The following SCFD1 variants were observed in gnomAD, a reference collection of about 807,000 sequenced individuals.
The protein encoded by SCFD1 is sec1 family domain containing 1.
SCFD1 carries 37 observed loss-of-function variants against 103.2 expected under a neutral mutation model. The observed-to-expected ratio is 0.36, with a 90% CI of 0.28 to 0.47. The LOEUF is 0.47. Ranked by LOEUF, SCFD1 falls within the 20% of genes least tolerant of loss-of-function variation. SCFD1 has a pLI of 1.00. For synonymous variants in SCFD1, 264 were observed against 245.0 expected (o/e 1.08, Z -0.73); for missense variants, 639 against 761.2 (o/e 0.84, Z 1.89).
intron 10 of SCFD1, among the ~76,000 whole-genome samples, chr14:30,667,362 A>G (rs1209324720): frequency 1.3e-5 from 2 of 152,232 alleles, no homozygotes; most frequent in Non-Finnish European, 2.9e-5. Context: ...ACAGCCCTTC[A>G]TGCTAAAACC....
intron 10 of SCFD1, among the ~76,000 whole-genome samples, chr14:30,668,854 C>T (rs1212859506): frequency 6.6e-6 from 1 of 152,076 alleles, no homozygotes; most frequent in Non-Finnish European, 1.5e-5. Flanking sequence ...CAATGAGATA[C>T]CATCTCACAC....
At chr14:30,683,134 G>A (rs1889625551) in intron 14 of SCFD1, 2 of 1,159,400 alleles carry the variant, frequency 1.7e-6, no homozygotes, top group Admixed American at 1.8e-5. Context: ...TTGGCAGCAT[G>A]TGTGTTCAAG....
chr14:30,691,057 G>A (rs372020434), intron 14 of SCFD1, among the ~76,000 whole-genome samples: 11 of 152,164 alleles, frequency 7.2e-5, no homozygotes, highest in South Asian at 2.1e-4. Flanking sequence ...TTGAGAAAAG[G>A]CCTATAGAAG....
At chr14:30,695,620 G>A (rs2139316096) in intron 15 of SCFD1, among the ~76,000 whole-genome samples, 1 of 152,294 alleles carries the variant, frequency 6.6e-6, no homozygotes, top group South Asian at 2.1e-4. Context: ...TGTAATCCCA[G>A]TACTTTGGGA....
intron 3 of SCFD1, among the ~76,000 whole-genome samples, chr14:30,632,716 G>A (rs1201208079): frequency 6.6e-6 from 1 of 152,170 alleles, no homozygotes; most frequent in Non-Finnish European, 1.5e-5. Context: ...GAAGGCTTAA[G>A]TGATTGTCTC....
At chr14:30,643,611 GT>G (rs1885512601) in intron 7 of SCFD1, among the ~76,000 whole-genome samples, 2 of 152,028 alleles carry the variant, frequency 1.3e-5, no homozygotes, top group Non-Finnish European at 2.9e-5. Context: ...GATCTATTGA[GT>G]TGTCATTTTA....
chr14:30,654,909 A>T (rs1304911951), intron 10 of SCFD1, among the ~76,000 whole-genome samples: 3 of 152,234 alleles, frequency 2.0e-5, no homozygotes, highest in African/African-American at 7.2e-5. Context: ...TTAAACCCTA[A>T]GTAGTAGAAC....
chr14:30,705,451 T>C (rs149524935), intron 17 of SCFD1, among the ~76,000 whole-genome samples: 2 of 152,292 alleles, frequency 1.3e-5, no homozygotes, highest in African/African-American at 2.4e-5. Context: ...ATAGGAAGTT[T>C]GGAAAACTAA....
At chr14:30,699,615 A>T (rs776694263) in intron 15 of SCFD1, among the ~76,000 whole-genome samples, 38 of 152,158 alleles carry the variant, frequency 2.5e-4, no homozygotes, top group Admixed American at 3.3e-4. Context: ...TTTAATAAAA[A>T]TATATTGTTT....
At chr14:30,731,435 C>T (rs916499458) in intron 23 of SCFD1, among the ~76,000 whole-genome samples, 2 of 152,150 alleles carry the variant, frequency 1.3e-5, no homozygotes, top group Admixed American at 6.5e-5. Context: ...TATAAATTAC[C>T]TTGGGCAGTA....
At chr14:30,630,110 T>A (rs540076627) in intron 2 of SCFD1, among the ~76,000 whole-genome samples, 228 of 152,216 alleles carry the variant, frequency 1.5e-3, no homozygotes, top group South Asian at 1.2e-3. Flanking sequence ...TCTATTTTTT[T>A]AAAACCTAGA....
intron 14 of SCFD1, among the ~76,000 whole-genome samples, chr14:30,677,572 G>A (rs76214687): frequency 0.034 from 5,187 of 151,814 alleles, 119 homozygotes; most frequent in Middle Eastern, 0.058. Flanking sequence ...GTCAAAAGTA[G>A]CAGATAAACT....
chr14:30,656,009 G>T (rs1886861995), intron 10 of SCFD1, among the ~76,000 whole-genome samples: 1 of 151,978 alleles, frequency 6.6e-6, no homozygotes, highest in Non-Finnish European at 1.5e-5. Flanking sequence ...TACTCAGGAG[G>T]CTTAGGTGGG....
chr14:30,629,503 CTGTTT>C (rs1002444355), intron 2 of SCFD1, among the ~76,000 whole-genome samples: 5 of 151,196 alleles, frequency 3.3e-5, no homozygotes, highest in Admixed American at 6.6e-5. Flanking sequence ...TCAAAGCTGT[CTGTTT>C]TAATACTTTG....
intron 1 of SCFD1, among the ~76,000 whole-genome samples, chr14:30,627,420 A>G (rs775998569): frequency 9.8e-5 from 15 of 152,304 alleles, no homozygotes; most frequent in African/African-American, 2.9e-4. Context: ...ATATGAACCA[A>G]TTGAATATGC....
intron 10 of SCFD1, among the ~76,000 whole-genome samples, chr14:30,666,168 CAGCAAAT>C (rs1188352319): frequency 1.3e-5 from 2 of 152,206 alleles, no homozygotes; most frequent in East Asian, 3.8e-4. Context: ...AAGCACTCCT[CAGCAAAT>C]GTAAAAGAAC....
At chr14:30,648,887 T>TGG (rs1886120097) in intron 7 of SCFD1, among the ~76,000 whole-genome samples, 1 of 150,198 alleles carries the variant, frequency 6.7e-6, no homozygotes, top group South Asian at 2.1e-4. Context: ...GGTGGGAGGA[T>TGG]GGTTTGAGCC....
At chr14:30,640,518 TA>T (rs1885163616) in intron 6 of SCFD1, among the ~76,000 whole-genome samples, 1 of 152,154 alleles carries the variant, frequency 6.6e-6, no homozygotes, top group Non-Finnish European at 1.5e-5. Context: ...ATAAATCTGG[TA>T]AAGTAAAAAC....
In SCFD1 at chr14:30,645,120, T is replaced by C. The variant is rs115704784; in HGVS notation, c.613+1715T>C. Among the ~76,000 whole-genome samples, 852 of 152,298 alleles carry C rather than the reference T, an allele frequency of 5.6e-3. 9 individuals carry two copies. Among genetic ancestry groups the C allele is most frequent in the African/African-American group, 0.019 (782 of 41,554 alleles). ...TCCCTATTGCTTGTTATTATCAACA[T>C]TGTCGAAGATCAGATGGTTGTAGGT... On this transcript the variant is annotated intron_variant, in intron 7 of 24. Coordinates refer to ENST00000458591, the MANE Select transcript of SCFD1 (RefSeq NM_016106.4).
Sources: allele counts gnomAD v4.1 joint callset (sites outside exome capture counted in the v4.1 genomes callset), GRCh38; gene constraint gnomAD v4.1.1; transcripts MANE v1.5; gene names NCBI Gene and HGNC (gene_info 2026-07-23, HGNC 2026-07-21).